GKAP1: variants seen among roughly 807,000 people sequenced by gnomAD.
The protein encoded by GKAP1 is G kinase-anchoring protein 1.
Under a neutral mutation model 56.7 loss-of-function variants are expected in GKAP1, and 31 were observed. The observed-to-expected ratio is 0.55, with a 90% CI of 0.41 to 0.74. The LOEUF is 0.74. GKAP1 is among the 30% of genes least tolerant of loss of function. GKAP1 has a pLI of 0.00. For missense variants in GKAP1, 364 were observed against 402.3 expected (o/e 0.90, Z 0.82); for synonymous variants, 151 against 138.6 (o/e 1.09, Z -0.63).
Position 83,779,520 on chromosome 9 carries a change from T to C in GKAP1, c.585+862A>G, listed in dbSNP as rs536597833. ...ATATACACATATATGTGTATATATA[T>C]ACACGTGTATATGTGTATATATATA... On this transcript the variant is annotated intron_variant, in intron 7 of 12. Coordinates refer to ENST00000376371, the MANE Select transcript of GKAP1 (RefSeq NM_025211.4). Among the ~76,000 whole-genome samples the C allele has an allele frequency of 2.5e-4, 33 of 131,306 alleles. 1 individual carries two copies. Among genetic ancestry groups the C allele is most frequent in the Middle Eastern group, 8.3e-3 (2 of 240 alleles). The allele number at this position is 131,306 out of a possible 152,430, so 86.1% of individuals were successfully genotyped here. A position where few individuals can be genotyped will look rare whatever the true frequency, so the allele number is the denominator to read the frequency against.
At chr9:83,788,427 C>T (rs1242050634) in intron 5 of GKAP1, among the ~76,000 whole-genome samples, 174 bp downstream of exon 5, 1 of 152,118 alleles carries the variant, frequency 6.6e-6, no homozygotes, top group Non-Finnish European at 1.5e-5. Flanking sequence ...TCTGTTCTAT[C>T]TCAAAACTTG....
intron 9 of GKAP1, among the ~76,000 whole-genome samples, chr9:83,750,746 A>C (rs117108477): frequency 0.031 from 4,678 of 152,292 alleles, 122 homozygotes; most frequent in Middle Eastern, 0.11. Context: ...AATTCATGTA[A>C]AAATTACTTA....
chr9:83,798,470 A>G (rs944675199), intron 4 of GKAP1, among the ~76,000 whole-genome samples: 1 of 152,224 alleles, frequency 6.6e-6, no homozygotes, highest in Non-Finnish European at 1.5e-5. Flanking sequence ...AAACAACAGT[A>G]AAGTTTCCCA....
intron 10 of GKAP1, 101 bp downstream of exon 10, chr9:83,748,208 T>C: frequency 1.4e-6 from 1 of 717,428 alleles, no homozygotes; most frequent in South Asian, 1.8e-5. Flanking sequence ...TATTGTGCTA[T>C]CAAACACTTT....
intron 2 of GKAP1, among the ~76,000 whole-genome samples, chr9:83,812,253 G>A (rs1248707800): frequency 6.9e-6 from 1 of 144,424 alleles, no homozygotes; most frequent in East Asian, 2.0e-4. Context: ...ACGTATATAT[G>A]TATACGTATA....
chr9:83,758,538 G>A (rs1196310669), intron 8 of GKAP1, among the ~76,000 whole-genome samples: 1 of 152,002 alleles, frequency 6.6e-6, no homozygotes, highest in Non-Finnish European at 1.5e-5. Context: ...TTCGAGACCA[G>A]CCTGGCCAAC....
At chr9:83,786,877 T>G (rs1367974469) in intron 5 of GKAP1, among the ~76,000 whole-genome samples, 2 of 152,230 alleles carry the variant, frequency 1.3e-5, no homozygotes, top group East Asian at 3.9e-4. Flanking sequence ...CAGGTAATCC[T>G]TCTAGCTTTA....
intron 6 of GKAP1, among the ~76,000 whole-genome samples, chr9:83,781,472 C>T (rs1013503452): frequency 6.6e-6 from 1 of 152,156 alleles, no homozygotes; most frequent in Non-Finnish European, 1.5e-5. Context: ...TTCTCAAGGA[C>T]TAAAAATATA....
Position 83,788,629 on chromosome 9 carries a change from CTTAG to C in GKAP1, c.406_409del (p.Leu136ValfsTer3). ...TTTGTGCTCTTCATATTCTAGTTTA[CTTAG>C]TAACAATGCCTTCTCAAGATCTGCT... On this transcript the variant is annotated frameshift_variant, in exon 5 of 13. Transcript: ENST00000376371. LOFTEE classifies it high-confidence loss of function. 1 of 1,601,564 alleles carries C rather than the reference CTTAG, an allele frequency of 6.2e-7. No homozygotes were observed. The highest frequency in any genetic ancestry group is 8.5e-7 in the Non-Finnish European group (1 of 1,172,856).
Position 83,803,417 on chromosome 9 carries a change from T to C in GKAP1, c.216+2885A>G, listed in dbSNP as rs1002836606. On this transcript the variant is annotated intron_variant, in intron 3 of 12. Coordinates refer to ENST00000376371, the MANE Select transcript of GKAP1 (RefSeq NM_025211.4). ...GCAGGCGTGTGCCACCACGCCTGAC[T>C]GGTTTTCGTACTTTTTTGGTGGAGA... Among the ~76,000 whole-genome samples the C allele has an allele frequency of 3.9e-5, 6 of 152,178 alleles. No individual in the cohort carries two copies. In the East Asian group the frequency reaches 1.2e-3, roughly 29 times the overall value.
At chr9:83,762,848 G>T (rs950999460) in intron 8 of GKAP1, among the ~76,000 whole-genome samples, 1 of 152,160 alleles carries the variant, frequency 6.6e-6, no homozygotes, top group African/African-American at 2.4e-5. Flanking sequence ...ATATCCATCT[G>T]CAGAAGAATG....
At chr9:83,788,699 A>G in intron 4 of GKAP1, 21 bp from the exon 5 acceptor site, 1 of 1,518,798 alleles carries the variant, frequency 6.6e-7, no homozygotes, top group Non-Finnish European at 9.1e-7. Context: ...AAAGTTTCAC[A>G]ATAAACAGAC....
rs558711100 is a variant in GKAP1, at chr9:83,768,310, A to G, written c.738+508T>C. On this transcript the variant is annotated intron_variant, in intron 8 of 12. Transcript: ENST00000376371. Reference sequence around the variant, plus strand: ...TCCCTTAGACCCAAAGTCTTTCTCTATTTCTCAGCTTATACAGTTCCTCAC... The same window carrying G: ...TCCCTTAGACCCAAAGTCTTTCTCTGTTTCTCAGCTTATACAGTTCCTCAC... Among the ~76,000 whole-genome samples, 16 of 152,136 alleles carry G rather than the reference A, an allele frequency of 1.1e-4. 1 individual carries two copies. The South Asian group carries it at 3.3e-3, about 32-fold the overall frequency.
intron 8 of GKAP1, among the ~76,000 whole-genome samples, chr9:83,755,799 CTTTT>C (rs34145592): frequency 2.2e-4 from 27 of 124,440 alleles, no homozygotes; most frequent in Non-Finnish European, 3.9e-4. Context: ...CAAACTGGTA[CTTTT>C]TTTTTTTTTT....
At chr9:83,787,229 T>C (rs1266985407) in intron 5 of GKAP1, among the ~76,000 whole-genome samples, 1 of 152,148 alleles carries the variant, frequency 6.6e-6, no homozygotes, top group Non-Finnish European at 1.5e-5. Flanking sequence ...ACTAGCAAAA[T>C]CAATGCTGTG....
intron 4 of GKAP1, among the ~76,000 whole-genome samples, chr9:83,798,114 T>C (rs1296412752): frequency 6.6e-6 from 1 of 152,172 alleles, no homozygotes; most frequent in Non-Finnish European, 1.5e-5. Flanking sequence ...GAAAATGTTA[T>C]AATTAGCACA....
chr9:83,776,213 A>C (rs1474616169), intron 7 of GKAP1, among the ~76,000 whole-genome samples: 1 of 152,198 alleles, frequency 6.6e-6, no homozygotes, highest in Non-Finnish European at 1.5e-5. Flanking sequence ...CTTATAACCA[A>C]AGAGAGCTAA....
intron 6 of GKAP1, among the ~76,000 whole-genome samples, chr9:83,780,958 AT>A (rs1218319876): frequency 6.6e-6 from 1 of 152,250 alleles, no homozygotes; most frequent in Non-Finnish European, 1.5e-5. Flanking sequence ...AACATAAAAA[AT>A]AACCCATAAC....
intron 4 of GKAP1, among the ~76,000 whole-genome samples, chr9:83,795,312 T>C (rs970576847): frequency 1.3e-5 from 2 of 152,132 alleles, no homozygotes; most frequent in Non-Finnish European, 2.9e-5. Flanking sequence ...TTAAGAAACA[T>C]ACACATCTTT....
Sources: allele counts gnomAD v4.1 joint callset (sites outside exome capture counted in the v4.1 genomes callset), GRCh38; gene constraint gnomAD v4.1.1; transcripts MANE v1.5; gene names NCBI Gene and HGNC (gene_info 2026-07-23, HGNC 2026-07-21).